The following SSUH2 variants were observed in gnomAD, a reference collection of about 807,000 sequenced individuals.
The protein encoded by SSUH2 is ssu-2 homolog, also known as protein SSUH2 homolog.
In SSUH2, 47 loss-of-function variants were observed where a neutral mutation model predicts 55.3. That is an observed-to-expected ratio of 0.85 (90% CI 0.67 to 1.08). SSUH2 has a LOEUF of 1.08. Ranked by LOEUF, SSUH2 falls within the 50% of genes least tolerant of loss-of-function variation. The pLI is 0.00. For synonymous variants in SSUH2, 212 were observed against 191.5 expected (o/e 1.11, Z -0.89); for missense variants, 535 against 490.7 (o/e 1.09, Z -0.85).
At chr3:8,676,934 C>G (rs1464173366) in intron 3 of SSUH2, among the ~76,000 whole-genome samples, 3 of 144,948 alleles carry the variant, frequency 2.1e-5, no homozygotes, top group Non-Finnish European at 4.6e-5. Context: ...TCTTAGGACC[C>G]CCATAGTACG....
Position 8,633,705 on chromosome 3 carries a change from G to T in SSUH2, c.300C>A (p.Asp100Glu), listed in dbSNP as rs778720971. Reference sequence around the variant, plus strand: ...GCCGCTTCAGCTCCTGGATGACGAGGTCTCCAGCCACCGTGCTGCTGTAGC... The same window carrying T: ...GCCGCTTCAGCTCCTGGATGACGAGTTCTCCAGCCACCGTGCTGCTGTAGC... ...KCCYSSTVAG[D>E]LVIQELKRQT... is the part of the protein sequence containing the mutation. Residue 100 changes from aspartate (D) to glutamate (E), a missense_variant, in exon 4 of 12, where the codon GAC (aspartate) becomes GAA (glutamate). Asp to Glu is a conservative substitution (Grantham distance 45, BLOSUM62 2). Coordinates refer to ENST00000544814, the MANE Select transcript of SSUH2 (RefSeq NM_001256748.3). The T allele has an allele frequency of 5.2e-6, 8 of 1,544,398 alleles. No homozygotes were observed. The highest frequency in any genetic ancestry group is 1.4e-5 in the African/African-American group (1 of 72,578).
chr3:8,659,205 T>C (rs966902468), intron 6 of SSUH2, among the ~76,000 whole-genome samples: 28 of 152,204 alleles, frequency 1.8e-4, no homozygotes, highest in African/African-American at 6.8e-4. Flanking sequence ...GTGGTTGCTT[T>C]TTTTTTAAAA....
At chr3:8,644,505 C>T (rs164959) in intron 1 of SSUH2, among the ~76,000 whole-genome samples, 57,669 of 151,866 alleles carry the variant, frequency 0.38, 11,533 homozygotes, top group African/African-American at 0.5. Flanking sequence ...GCTTTACACA[C>T]GAGAGGAAGG....
rs143418699 is a variant in SSUH2, at chr3:8,678,508, C to A, written c.-900-1155G>T. On this transcript the variant is annotated intron_variant, in intron 2 of 18. Coordinates refer to the SSUH2 transcript ENST00000317371. Reference sequence around the variant, plus strand: ...TTGCAAGGGGGTGAGGCACCCCCCGCGAGGCGGGGACTGAGAGCCAGCCCC... The same window carrying A: ...TTGCAAGGGGGTGAGGCACCCCCCGAGAGGCGGGGACTGAGAGCCAGCCCC... Among the ~76,000 whole-genome samples, 7 of 114,552 alleles carry A rather than the reference C, an allele frequency of 6.1e-5. 1 individual carries two copies. Among genetic ancestry groups the A allele is most frequent in the Non-Finnish European group, 1.2e-4 (6 of 50,636 alleles). 75.2% of individuals were successfully genotyped at this position (114,552 alleles called of 152,430 possible).
intron 10 of SSUH2, 35 bp from the exon 11 acceptor site, chr3:8,623,691 C>A (rs376482390): frequency 1.3e-5 from 15 of 1,142,902 alleles, no homozygotes; most frequent in African/African-American, 4.7e-5. Flanking sequence ...GACCACCTGG[C>A]TGCCGCACCT....
intron 1 of SSUH2, among the ~76,000 whole-genome samples, chr3:8,644,466 C>T (rs542960324): frequency 2.0e-5 from 3 of 152,196 alleles, no homozygotes; most frequent in South Asian, 2.1e-4. Context: ...AGGCTCATAA[C>T]GGAAGAAGAG....
At chr3:8,670,167 G>A (rs897335486) in intron 5 of SSUH2, among the ~76,000 whole-genome samples, 11 of 152,214 alleles carry the variant, frequency 7.2e-5, no homozygotes, top group South Asian at 6.3e-4. Context: ...GACCCAAAAC[G>A]AGGATACAAC....
intron 6 of SSUH2, among the ~76,000 whole-genome samples, chr3:8,661,154 T>G (rs1703447538): frequency 6.6e-6 from 1 of 152,248 alleles, no homozygotes; most frequent in African/African-American, 2.4e-5. Context: ...AGAAATATTT[T>G]ACAATTGTAA....
intron 7 of SSUH2, 133 bp downstream of exon 7, chr3:8,629,531 A>G: frequency 1.4e-6 from 1 of 733,352 alleles, no homozygotes; most frequent in Non-Finnish European, 2.3e-6. Context: ...GGAGGCCCAG[A>G]AAGGGAGGAT....
chr3:8,636,783 T>A lies in SSUH2; in HGVS notation c.29-926A>T, dbSNP rs373616386. Among the ~76,000 whole-genome samples the A allele has an allele frequency of 3.1e-4, 47 of 152,214 alleles. 4 individuals are homozygous for A. In the South Asian group the frequency reaches 6.0e-3, roughly 20 times the overall value. On this transcript the variant is annotated intron_variant, in intron 1 of 11. Coordinates refer to ENST00000544814, the MANE Select transcript of SSUH2 (RefSeq NM_001256748.3). The stretch of plus-strand genomic sequence containing the variant: ...GTATCTTCAAGAAACCCCTTGCACA[T>A]CTAATGCCATCTTGGTGTCTGCTTC...
At chr3:8,630,781 CA>C in intron 6 of SSUH2, 23 bp downstream of exon 6, 1 of 1,356,648 alleles carries the variant, frequency 7.4e-7, no homozygotes, top group Non-Finnish European at 9.6e-7. Context: ...GCAAGTATTC[CA>C]GTAATCGCGT....
At chr3:8,679,447 G>A (rs532127447) in intron 2 of SSUH2, among the ~76,000 whole-genome samples, 83 of 138,452 alleles carry the variant, frequency 6.0e-4, no homozygotes, top group African/African-American at 1.9e-3. Context: ...CATCACAGCG[G>A]GGGGAGGCAC....
intron 11 of SSUH2, among the ~76,000 whole-genome samples, chr3:8,621,823 G>A (rs557402156): frequency 1.3e-5 from 2 of 152,316 alleles, no homozygotes; most frequent in African/African-American, 4.8e-5. Context: ...GGAGATGGGA[G>A]TCAATGTCAG....
chr3:8,667,117 T>C (rs899172286), intron 5 of SSUH2, among the ~76,000 whole-genome samples: 2 of 152,166 alleles, frequency 1.3e-5, no homozygotes, highest in Non-Finnish European at 2.9e-5. Flanking sequence ...GGTAAAGGGG[T>C]GGCTACTCCA....
upstream of SSUH2, among the ~76,000 whole-genome samples, chr3:8,646,946 T>C (rs1701749191): frequency 6.6e-6 from 1 of 152,220 alleles, no homozygotes; most frequent in Non-Finnish European, 1.5e-5. Flanking sequence ...TGCTAAGTGC[T>C]CAAGAAACAT....
intron 1 of SSUH2, among the ~76,000 whole-genome samples, chr3:8,680,430 C>A (rs1705865279): frequency 6.6e-6 from 1 of 152,058 alleles, no homozygotes; most frequent in Non-Finnish European, 1.5e-5. Flanking sequence ...TGGGTGTACA[C>A]CCTCGGTGTA....
chr3:8,680,562 C>T (rs1705873223), intron 1 of SSUH2, among the ~76,000 whole-genome samples: 1 of 152,108 alleles, frequency 6.6e-6, no homozygotes. Flanking sequence ...CCTCCTCTCC[C>T]ACGCTGAAAT....
intron 3 of SSUH2, 102 bp downstream of exon 3, chr3:8,635,198 G>C: frequency 1.0e-6 from 1 of 962,334 alleles, no homozygotes; most frequent in Non-Finnish European, 1.5e-6. Context: ...GGTGCAGACG[G>C]CCCCCTCCAG....
At chr3:8,675,924 T>G (rs1432615421) in intron 3 of SSUH2, among the ~76,000 whole-genome samples, 1 of 152,186 alleles carries the variant, frequency 6.6e-6, no homozygotes, top group South Asian at 2.1e-4. Flanking sequence ...GGGCCCTAGC[T>G]GAGGCCAGTG....
Sources: allele counts gnomAD v4.1 joint callset (sites outside exome capture counted in the v4.1 genomes callset), GRCh38; gene constraint gnomAD v4.1.1; transcripts MANE v1.5; gene names NCBI Gene and HGNC (gene_info 2026-07-23, HGNC 2026-07-21).